Variants in OMA1 observed in about 807,000 individuals in gnomAD.
OMA1 encodes the protein metalloendopeptidase OMA1, mitochondrial.
OMA1 carries 38 observed loss-of-function variants against 30.9 expected under a neutral mutation model. The observed-to-expected ratio is 1.23, with a 90% CI of 0.95 to 1.61. The LOEUF (loss-of-function observed/expected upper bound fraction) is 1.61. OMA1 is among the 40% of genes most tolerant of loss of function. OMA1 has a pLI of 0.00. For synonymous variants in OMA1, 173 were observed against 121.9 expected, an observed-to-expected ratio of 1.42 and a Z score of -2.76; for missense variants, 461 against 349.2, an observed-to-expected ratio of 1.32 and a Z score of -2.55.
chr1:58,504,918 G>A (rs150117859), intron 8 of OMA1, among the ~76,000 whole-genome samples: 46 of 151,346 alleles, frequency 3.0e-4, no homozygotes, highest in African/African-American at 9.7e-4. Context: ...GAGGTACTCC[G>A]TATTTGTTGG....
intron 8 of OMA1, among the ~76,000 whole-genome samples, chr1:58,505,607 AT>A (rs1316203754): frequency 6.6e-6 from 1 of 151,912 alleles, no homozygotes; most frequent in Non-Finnish European, 1.5e-5. Context: ...AAACATGAAG[AT>A]TTTTTTTCCT....
At chr1:58,546,002 T>A (rs894803531) in intron 1 of OMA1, among the ~76,000 whole-genome samples, 2 of 152,196 alleles carry the variant, frequency 1.3e-5, no homozygotes. Flanking sequence ...AACGCCTGAA[T>A]GCCAAATAAG....
intron 7 of OMA1, among the ~76,000 whole-genome samples, chr1:58,519,158 A>T (rs975070099): frequency 3.9e-5 from 6 of 152,216 alleles, no homozygotes; most frequent in African/African-American, 1.4e-4. Context: ...GAGAATTTTT[A>T]AAAGTCTCCA....
intron 1 of OMA1, chr1:58,541,614 C>CAAAAAAAAAAAAAAAAAAAAAAAAAAA (rs60360589): frequency 6.1e-5 from 4 of 65,634 alleles, no homozygotes; most frequent in Non-Finnish European, 8.0e-5. Context: ...GAGAACCTGT[C>CAAAAAAAAAAAAAAAAAAAAAAAAAAA]AAAAAAAAAA....
intron 1 of OMA1, among the ~76,000 whole-genome samples, chr1:58,540,739 G>A (rs1646593664): frequency 6.6e-6 from 1 of 151,490 alleles, no homozygotes; most frequent in Admixed American, 6.6e-5. Flanking sequence ...GGGCATCAAT[G>A]AGGTATGCAA....
intron 7 of OMA1, among the ~76,000 whole-genome samples, chr1:58,518,666 C>T (rs1436694394): frequency 2.0e-5 from 3 of 151,206 alleles, no homozygotes; most frequent in Non-Finnish European, 4.4e-5. Flanking sequence ...GTTTTTTTTC[C>T]AAAAGCAACT....
In OMA1 at chr1:58,534,261, A is replaced by G. The variant is rs764595590; in HGVS notation, c.800T>C (p.Leu267Pro). 1 of 871,648 alleles carries G rather than the reference A, an allele frequency of 1.1e-6. No individual in the cohort carries two copies. The highest frequency in any genetic ancestry group is 2.0e-6 in the Non-Finnish European group (1 of 501,414). 54.0% of individuals were successfully genotyped at this position (871,648 alleles called of 1,614,324 possible). A position where few individuals can be genotyped will look rare whatever the true frequency, so the allele number is the denominator to read the frequency against. ...DARYLAVKEV[L>P]CHLIECNKDV... ...TTTATTGCATTCAATTAGATGACAA[A>G]GCACTTCTTTAACAGCCAGGTATCG... Residue 267 changes from leucine (L) to proline (P), a missense_variant, in exon 4 of 9, where the codon CTT (leucine) becomes CCT (proline). Coordinates refer to ENST00000371226, the MANE Select transcript of OMA1 (RefSeq NM_145243.5).
In OMA1 at chr1:58,536,601, A is replaced by G. The variant is rs764962661; in HGVS notation, c.641T>C (p.Leu214Pro). ...CCTTCCTGTGATTGGACTTACTTCC[A>G]GGTGAGTAAAATAAAACACCACAAA... The part of the protein sequence containing the change: ...LLFVVFYFTH[L>P]EVSPITGRSK... Residue 214 changes from leucine (L) to proline (P), a missense_variant, in exon 3 of 9, where the codon CTG becomes CCG. Coordinates refer to ENST00000371226, the MANE Select transcript of OMA1 (RefSeq NM_145243.5). 13 of 872,750 alleles carry G rather than the reference A, an allele frequency of 1.5e-5. No homozygotes were observed. Among genetic ancestry groups the G allele is most frequent in the Non-Finnish European group, 2.6e-5 (13 of 501,636 alleles). The allele number at this position is 872,750 out of a possible 1,614,324, so 54.1% of individuals were successfully genotyped here.
chr1:58,481,931 A>G (rs575801031), intron 8 of OMA1, among the ~76,000 whole-genome samples: 7 of 152,326 alleles, frequency 4.6e-5, no homozygotes, highest in Middle Eastern at 3.4e-3. Context: ...TTTCCTTCAT[A>G]AATTACCTAG....
intron 7 of OMA1, among the ~76,000 whole-genome samples, chr1:58,525,686 G>A (rs1646338106): frequency 6.6e-6 from 1 of 152,074 alleles, no homozygotes; most frequent in Non-Finnish European, 1.5e-5. Flanking sequence ...AAAACCCCAT[G>A]TGTTTTTCTA....
chr1:58,535,531 G>C (rs1339034491), intron 3 of OMA1, among the ~76,000 whole-genome samples: 2 of 150,300 alleles, frequency 1.3e-5, no homozygotes, highest in Non-Finnish European at 2.9e-5. Flanking sequence ...GTAAGGTGGA[G>C]GTTGCAGTGA....
At chr1:58,531,936 T>C (rs1227103825) in intron 5 of OMA1, among the ~76,000 whole-genome samples, 3 of 152,048 alleles carry the variant, frequency 2.0e-5, no homozygotes, top group Non-Finnish European at 2.9e-5. Context: ...CTTGAACTCC[T>C]GACCTCATGA....
At chr1:58,532,679 C>A (rs1249698043) in intron 5 of OMA1, among the ~76,000 whole-genome samples, 1 of 152,100 alleles carries the variant, frequency 6.6e-6, no homozygotes, top group Admixed American at 6.6e-5. Flanking sequence ...AGGTGTGAGC[C>A]ACCATGCTCA....
intron 8 of OMA1, among the ~76,000 whole-genome samples, chr1:58,500,841 A>G (rs1645895184): frequency 6.6e-6 from 1 of 152,222 alleles, no homozygotes; most frequent in African/African-American, 2.4e-5. Context: ...TCAGTTTTAA[A>G]ATAAATCTTT....
chr1:58,530,526 T>A (rs1369128440), intron 6 of OMA1, 75 bp downstream of exon 6: 1 of 745,696 alleles, frequency 1.3e-6, no homozygotes, highest in African/African-American at 1.7e-5. Context: ...CATCTCTGGA[T>A]TTGCTGCTTT....
intron 1 of OMA1, among the ~76,000 whole-genome samples, chr1:58,539,758 A>T (rs1358288935): frequency 2.0e-5 from 3 of 152,196 alleles, no homozygotes; most frequent in Non-Finnish European, 4.4e-5. Context: ...TGGGAAACAG[A>T]GCCCTACAAC....
intron 7 of OMA1, among the ~76,000 whole-genome samples, chr1:58,524,815 T>C (rs1385492592): frequency 6.6e-6 from 1 of 152,198 alleles, no homozygotes; most frequent in Non-Finnish European, 1.5e-5. Flanking sequence ...GTTTACAGTA[T>C]TGCACTAAAC....
chr1:58,510,532 A>T (rs549213422), intron 7 of OMA1, among the ~76,000 whole-genome samples: 2 of 152,148 alleles, frequency 1.3e-5, no homozygotes, highest in Non-Finnish European at 2.9e-5. Flanking sequence ...TCATGGTGAA[A>T]AACAAAAATT....
At chr1:58,485,265 GGAAGTAAAAAAGCTGGGTTT>G (rs1232445939) in intron 8 of OMA1, among the ~76,000 whole-genome samples, 24 of 135,428 alleles carry the variant, frequency 1.8e-4, no homozygotes, top group Admixed American at 4.9e-4. Flanking sequence ...AAGCTGGCCT[GGAAGTAAAAAAGCTGGGTTT>G]AGAACCTGTT....
Sources: gnomAD v4.1 joint callset for allele counts (sites outside exome capture counted in the v4.1 genomes callset) on GRCh38, gnomAD v4.1.1 for gene constraint, MANE v1.5 for transcripts, NCBI Gene and HGNC (gene_info 2026-07-23, HGNC 2026-07-21) for gene names.